The following SETBP1 variants were observed in gnomAD, a reference collection of about 807,000 sequenced individuals.
SETBP1 encodes the protein SET-binding protein.
Under a neutral mutation model 101.0 loss-of-function variants are expected in SETBP1, and 9 were observed. That is an observed-to-expected ratio of 0.09 (90% CI 0.05 to 0.16). SETBP1 has a LOEUF of 0.16. Among genes scored for constraint, SETBP1 ranks in the 10% least tolerant of loss-of-function variants. SETBP1 has a pLI of 1.00. For missense variants in SETBP1, 1,858 were observed against 2,033.8 expected, an observed-to-expected ratio of 0.91 and a Z score of 1.66; for synonymous variants, 818 against 788.5, an observed-to-expected ratio of 1.04 and a Z score of -0.63.
chr18:44,946,515 C>T (rs1393007878), intron 3 of SETBP1, among the ~76,000 whole-genome samples: 1 of 152,136 alleles, frequency 6.6e-6, no homozygotes, highest in East Asian at 1.9e-4. Context: ...AGGGGAGTTA[C>T]CTTATAAGCT....
chr18:44,962,350 G>A (rs1046119231), intron 4 of SETBP1, among the ~76,000 whole-genome samples: 1 of 152,152 alleles, frequency 6.6e-6, no homozygotes, highest in Non-Finnish European at 1.5e-5. Context: ...GAGTGGGGAT[G>A]GATTTTTAAG....
intron 2 of SETBP1, among the ~76,000 whole-genome samples, chr18:44,844,717 A>G (rs1450896016): frequency 6.6e-6 from 1 of 151,850 alleles, no homozygotes; most frequent in Non-Finnish European, 1.5e-5. Context: ...TGGACAGCTC[A>G]GCAAGGCGGC....
chr18:45,011,708 C>A (rs111611442), intron 4 of SETBP1, among the ~76,000 whole-genome samples: 1,547 of 152,300 alleles, frequency 0.01, 11 homozygotes, highest in Non-Finnish European at 0.014. Flanking sequence ...ACTCCCCAGG[C>A]GTGGCTGCCC....
At chr18:44,696,719 G>C (rs569948268) in intron 1 of SETBP1, among the ~76,000 whole-genome samples, 1 of 152,112 alleles carries the variant, frequency 6.6e-6, no homozygotes, top group Non-Finnish European at 1.5e-5. Context: ...ACAGACTTTC[G>C]TCCCAACCCA....
At chr18:44,849,224 C>G (rs766382868) in intron 2 of SETBP1, among the ~76,000 whole-genome samples, 35 of 152,196 alleles carry the variant, frequency 2.3e-4, no homozygotes, top group Admixed American at 3.9e-4. Flanking sequence ...TTAGGTAGAG[C>G]CTTGTCCGTG....
intron 4 of SETBP1, among the ~76,000 whole-genome samples, chr18:45,027,345 A>G (rs1291923899): frequency 6.6e-6 from 1 of 152,202 alleles, no homozygotes; most frequent in Admixed American, 6.6e-5. Context: ...AGGAAACCAA[A>G]GCAGAATGAG....
chr18:44,929,215 T>C (rs1362751745), intron 3 of SETBP1, among the ~76,000 whole-genome samples: 1 of 152,230 alleles, frequency 6.6e-6, no homozygotes, highest in Non-Finnish European at 1.5e-5. Flanking sequence ...TTCTTGTTTT[T>C]GTCAGGTTTG....
chr18:45,065,498 G>A lies in SETBP1; in HGVS notation c.*1800G>A, dbSNP rs2073955100. The A allele has an allele frequency of 6.6e-6, 1 of 152,186 alleles. No individual in the cohort carries two copies. The highest frequency in any genetic ancestry group is 2.1e-4 in the South Asian group (1 of 4,830). The allele number at this position is 152,186 out of a possible 1,614,324, so 9.4% of individuals were successfully genotyped here. On this transcript the variant is annotated 3_prime_UTR_variant, in exon 6 of 6. Coordinates refer to ENST00000649279, the MANE Select transcript of SETBP1 (RefSeq NM_015559.3). ...CAATATTACTTCCTTAGAGAGAGAT[G>A]GATTTTTGTTGGCAACATAAAAGAA...
chr18:44,800,454 G>A (rs181613398), intron 2 of SETBP1, among the ~76,000 whole-genome samples: 29 of 152,260 alleles, frequency 1.9e-4, no homozygotes, highest in Admixed American at 9.8e-4. Context: ...GTGGCCTTCC[G>A]AGCACGGATC....
At chr18:44,825,134 A>C (rs551372287) in intron 2 of SETBP1, among the ~76,000 whole-genome samples, 131 of 152,370 alleles carry the variant, frequency 8.6e-4, no homozygotes, top group African/African-American at 3.0e-3. Context: ...ATGGTGCTAG[A>C]CTTGGAGTTA....
chr18:44,928,191 G>A (rs57906472), intron 3 of SETBP1, among the ~76,000 whole-genome samples: 184 of 152,266 alleles, frequency 1.2e-3, no homozygotes, highest in African/African-American at 4.3e-3. Context: ...TTGGTTTTCT[G>A]TCCTTGTGAT....
intron 2 of SETBP1, among the ~76,000 whole-genome samples, chr18:44,828,094 C>T (rs1400746909): frequency 2.0e-5 from 3 of 152,122 alleles, no homozygotes; most frequent in Non-Finnish European, 4.4e-5. Flanking sequence ...GTGTTCTTCT[C>T]GTGACACTAT....
Position 44,879,015 on chromosome 18 carries a change from C to G in SETBP1, c.540+9732C>G, listed in dbSNP as rs182824087. 2.0e-4 allele frequency among the ~76,000 whole-genome samples: 31 copies of G among 152,298 alleles called. 1 individual carries two copies. In the Middle Eastern group the frequency reaches 0.02, roughly 100 times the overall value. On this transcript the variant is annotated intron_variant, in intron 3 of 5. Transcript: ENST00000649279. ...CACCCTCCAGCTCTGCCATGATTTCCTTTGTACATCTCTCACCTTCCTAAA... is the reference window on the plus strand; with the variant it reads ...CACCCTCCAGCTCTGCCATGATTTCGTTTGTACATCTCTCACCTTCCTAAA...
chr18:44,924,988 C>T (rs1039744896), intron 3 of SETBP1, among the ~76,000 whole-genome samples: 3 of 140,968 alleles, frequency 2.1e-5, no homozygotes, highest in African/African-American at 8.0e-5. Context: ...TGCTCTTTTT[C>T]CTTCTTGATC....
At chr18:44,964,963 G>T (rs534324889) in intron 4 of SETBP1, among the ~76,000 whole-genome samples, 1 of 152,298 alleles carries the variant, frequency 6.6e-6, no homozygotes, top group South Asian at 2.1e-4. Context: ...AATGCAGGAG[G>T]AATTGGGCGT....
intron 2 of SETBP1, among the ~76,000 whole-genome samples, chr18:44,753,206 C>T (rs2070423825): frequency 6.6e-6 from 1 of 152,200 alleles, no homozygotes; most frequent in Non-Finnish European, 1.5e-5. Context: ...GCCAGAACCT[C>T]TAATCCACTG....
chr18:44,935,347 G>A (rs772425434), intron 3 of SETBP1, among the ~76,000 whole-genome samples: 9 of 152,140 alleles, frequency 5.9e-5, no homozygotes, highest in Admixed American at 2.6e-4. Context: ...AAGGAAAAAA[G>A]GGAAACATGC....
chr18:44,747,722 T>C (rs2070289931), intron 2 of SETBP1, among the ~76,000 whole-genome samples: 3 of 152,260 alleles, frequency 2.0e-5, no homozygotes, highest in Admixed American at 2.0e-4. Flanking sequence ...AAAAAAATTC[T>C]CTGAGCAAGA....
At chr18:44,734,481 T>C (rs1379271767) in intron 2 of SETBP1, among the ~76,000 whole-genome samples, 1 of 152,200 alleles carries the variant, frequency 6.6e-6, no homozygotes, top group Non-Finnish European at 1.5e-5. Context: ...TTTGACATTC[T>C]AGGATCTTCC....
Sources: gnomAD v4.1 joint callset for allele counts (sites outside exome capture counted in the v4.1 genomes callset) on GRCh38, gnomAD v4.1.1 for gene constraint, MANE v1.5 for transcripts, NCBI Gene and HGNC (gene_info 2026-07-23, HGNC 2026-07-21) for gene names.